DLG2: variants seen among roughly 807,000 people sequenced by gnomAD.
DLG2 encodes the protein disks large homolog 2.
A neutral mutation model predicts 132.5 loss-of-function variants in DLG2; 45 were observed. The observed-to-expected ratio is 0.34, with a 90% CI of 0.27 to 0.44. DLG2 has a LOEUF of 0.44. DLG2 is among the 20% of genes least tolerant of loss of function. The pLI is 1.00. For synonymous variants in DLG2, 424 were observed against 419.6 expected (o/e 1.01, Z -0.13); for missense variants, 1,045 against 1,196.9 (o/e 0.87, Z 1.87).
At chr11:84,371,196 A>T (rs1203539220) in intron 7 of DLG2, among the ~76,000 whole-genome samples, 1 of 152,162 alleles carries the variant, frequency 6.6e-6, no homozygotes, top group Admixed American at 6.6e-5. Flanking sequence ...TATAAATAAG[A>T]AGTCAGATAA....
At chr11:84,446,494 A>G (rs555805353) in intron 7 of DLG2, among the ~76,000 whole-genome samples, 1 of 152,214 alleles carries the variant, frequency 6.6e-6, no homozygotes, top group East Asian at 1.9e-4. Flanking sequence ...CTGTTGCTAC[A>G]GAATAATTTT....
intron 6 of DLG2, among the ~76,000 whole-genome samples, chr11:84,636,188 A>G (rs796358999): frequency 6.6e-6 from 1 of 152,354 alleles, no homozygotes; most frequent in African/African-American, 2.4e-5. Flanking sequence ...AGAAGTATGT[A>G]TATGCACATG....
intron 19 of DLG2, among the ~76,000 whole-genome samples, chr11:83,601,095 T>C (rs1179599152): frequency 1.3e-5 from 2 of 152,212 alleles, no homozygotes; most frequent in African/African-American, 4.8e-5. Flanking sequence ...CAATCTATAA[T>C]ACCTGTCAAA....
At chr11:84,377,351 C>T (rs1459717376) in intron 7 of DLG2, among the ~76,000 whole-genome samples, 2 of 151,936 alleles carry the variant, frequency 1.3e-5, no homozygotes, top group African/African-American at 2.4e-5. Flanking sequence ...GAAAGCACCA[C>T]CACCATGAAA....
chr11:85,494,069 G>C (rs2093620113), intron 3 of DLG2, among the ~76,000 whole-genome samples: 1 of 151,996 alleles, frequency 6.6e-6, no homozygotes, highest in African/African-American at 2.4e-5. Flanking sequence ...CTTCAATCTT[G>C]ACCCCTTATA....
intron 6 of DLG2, among the ~76,000 whole-genome samples, chr11:84,831,385 T>C (rs560108109): frequency 6.6e-6 from 1 of 151,728 alleles, no homozygotes; most frequent in East Asian, 2.0e-4. Context: ...ACCTATGTTA[T>C]ATCATTAGAT....
chr11:84,221,020 T>TCTTGAA (rs1344984635), intron 8 of DLG2, among the ~76,000 whole-genome samples: 3 of 150,736 alleles, frequency 2.0e-5, no homozygotes, highest in African/African-American at 7.3e-5. Flanking sequence ...CCCAAGCTGC[T>TCTTGAA]CTTGAACTCC....
At chr11:84,682,861 G>C (rs1354377774) in intron 6 of DLG2, among the ~76,000 whole-genome samples, 2 of 152,180 alleles carry the variant, frequency 1.3e-5, no homozygotes, top group African/African-American at 4.8e-5. Flanking sequence ...GAGGAGTAGT[G>C]AGAAGAGGGT....
intron 8 of DLG2, among the ~76,000 whole-genome samples, chr11:84,216,107 C>G (rs2096832147): frequency 1.3e-5 from 2 of 152,094 alleles, no homozygotes; most frequent in Admixed American, 1.3e-4. Flanking sequence ...TCACCCATGG[C>G]TGTGTTCCTA....
chr11:83,474,008 C>T (rs1234693897), intron 22 of DLG2, among the ~76,000 whole-genome samples: 5 of 151,994 alleles, frequency 3.3e-5, no homozygotes, highest in African/African-American at 9.7e-5. Flanking sequence ...TGAGAAATGG[C>T]CTCAGGCTGA....
chr11:83,981,506 A>T (rs1340959136), intron 11 of DLG2, among the ~76,000 whole-genome samples: 1 of 152,134 alleles, frequency 6.6e-6, no homozygotes, highest in Non-Finnish European at 1.5e-5. Flanking sequence ...CAGTGGTATG[A>T]TTTCAGCTCG....
intron 11 of DLG2, among the ~76,000 whole-genome samples, chr11:84,021,834 G>T (rs1191298492): frequency 1.3e-5 from 2 of 150,606 alleles, no homozygotes; most frequent in African/African-American, 4.9e-5. Flanking sequence ...CTCAACCTCC[G>T]CCTACCGGGT....
intron 18 of DLG2, among the ~76,000 whole-genome samples, chr11:83,670,215 T>A (rs1193605436): frequency 1.3e-5 from 2 of 152,228 alleles, no homozygotes; most frequent in Non-Finnish European, 2.9e-5. Context: ...CTCCAGTTAA[T>A]GTGCTTTTAT....
chr11:84,989,667 C>T (rs1303559136), intron 6 of DLG2, among the ~76,000 whole-genome samples: 1 of 151,976 alleles, frequency 6.6e-6, no homozygotes. Flanking sequence ...ATATCTAAAA[C>T]AAATTGAAAA....
At chr11:84,402,881 C>CAAAAAAAAAAAAAAAAAAAAAAAGAAAAA (rs34476380) in intron 7 of DLG2, among the ~76,000 whole-genome samples, 1 of 73,914 alleles carries the variant, frequency 1.4e-5, no homozygotes, top group Non-Finnish European at 2.4e-5. Context: ...AACTCCGTCT[C>CAAAAAAAAAAAAAAAAAAAAAAAGAAAAA]AAAAAAAAAA....
chr11:84,185,377 G>T (rs1230680107), intron 8 of DLG2, among the ~76,000 whole-genome samples: 1 of 152,108 alleles, frequency 6.6e-6, no homozygotes, highest in East Asian at 1.9e-4. Flanking sequence ...CTGTTTGTCT[G>T]TTATTTGTGT....
intron 3 of DLG2, among the ~76,000 whole-genome samples, chr11:85,347,675 C>T (rs1400455063): frequency 6.6e-6 from 1 of 151,888 alleles, no homozygotes; most frequent in African/African-American, 2.4e-5. Context: ...TCCTATTGAT[C>T]TGCCTTTTGT....
chr11:85,594,909 T>TA, intron 3 of DLG2, among the ~76,000 whole-genome samples: 1 of 150,832 alleles, frequency 6.6e-6, no homozygotes, highest in South Asian at 2.1e-4. Flanking sequence ...CTACCAAAAA[T>TA]AAAAAAATTA....
intron 7 of DLG2, among the ~76,000 whole-genome samples, chr11:84,331,446 A>AT (rs556801162): frequency 0.18 from 24,524 of 134,806 alleles, 2,209 homozygotes; most frequent in African/African-American, 0.2. Flanking sequence ...TATCTCAAAA[A>AT]AAAAAAAAAA....
Sources: allele counts gnomAD v4.1 joint callset (sites outside exome capture counted in the v4.1 genomes callset), GRCh38; gene constraint gnomAD v4.1.1; transcripts MANE v1.5; gene names NCBI Gene and HGNC (gene_info 2026-07-23, HGNC 2026-07-21).